PSD4: variants seen among roughly 807,000 people sequenced by gnomAD.
The protein encoded by PSD4 is pleckstrin and Sec7 domain containing 4.
A neutral mutation model predicts 112.5 loss-of-function variants in PSD4; 59 were observed. That is an observed-to-expected ratio of 0.52 (90% CI 0.43 to 0.65). The LOEUF (loss-of-function observed/expected upper bound fraction) is 0.65. PSD4 is among the 30% of genes least tolerant of loss of function. The probability of loss-of-function intolerance (pLI) is 0.00; values close to 1 mark genes in which losing one functional copy is unlikely to be tolerated. For missense variants in PSD4, 1,267 were observed against 1,352.6 expected, an observed-to-expected ratio of 0.94 and a Z score of 0.99; for synonymous variants, 533 against 540.0, an observed-to-expected ratio of 0.99 and a Z score of 0.18.
rs149480112 is a variant in PSD4 at position 113,190,531 on chromosome 2, C to G, written c.1629-1849C>G. On this transcript the variant is annotated intron_variant, in intron 5 of 16. Transcript: ENST00000245796. ...ATCACTGAAGCCTCAGCCTCCCAGG[C>G]TCAAGTGATCTTCCCACTTCAGCCT... Among the ~76,000 whole-genome samples the G allele has an allele frequency of 6.7e-4, 102 of 152,294 alleles. No individual in the cohort carries two copies. The East Asian group carries it at 0.019, about 28-fold the overall frequency.
chr2:113,182,659 C>A lies in PSD4; in HGVS notation c.203C>A (p.Ser68Tyr), dbSNP rs947631957. The change falls in exon 2 of 17, where the codon TCC becomes TAC. Residue 68 changes from serine (S) to tyrosine (Y), a missense_variant. Around this residue, in one of 2 missense-constraint regions of PSD4, gnomAD observed 723 missense variants for 704.0 expected, o/e 1.03. Coordinates refer to ENST00000245796, the MANE Select transcript of PSD4 (RefSeq NM_012455.3). ...PTRQNVPPWG[S>Y]GVELTHLGSW... ...AGACAAAATGTTCCTCCCTGGGGCT[C>A]CGGTGTGGAGCTCACACACCTGGGG... The A allele has an allele frequency of 1.2e-5, 20 of 1,613,676 alleles. No individual in the cohort carries two copies. In the African/African-American group the frequency reaches 2.3e-4, roughly 18 times the overall value.
chr2:113,195,693 G>A, intron 10 of PSD4, 34 bp from the exon 11 acceptor site: 2 of 1,613,992 alleles, frequency 1.2e-6, no homozygotes, highest in South Asian at 1.1e-5. Context: ...ACAGCCCTGA[G>A]GCTCCCCTGC....
intron 9 of PSD4, 94 bp downstream of exon 9, chr2:113,193,744 CCCCTGAGGGATGTGG>C: frequency 7.7e-6 from 12 of 1,552,892 alleles, no homozygotes; most frequent in Non-Finnish European, 9.8e-6. Flanking sequence ...GCAGGGAACA[CCCCTGAGGGATGTGG>C]GCCTGGGGAG....
At position 113,206,060 on chromosome 2, in the gene PSD4, C is replaced by T. The variant is rs1368008678; in HGVS notation, c.*4645C>T. The stretch of plus-strand genomic sequence containing the variant: ...GTTCCCCTCAGCCGGCACACTGGCT[C>T]CTCTTCTCCTGCCTGCCACAGACCT... On this transcript the variant is annotated 3_prime_UTR_variant, in exon 17 of 17. Coordinates refer to ENST00000245796, the MANE Select transcript of PSD4 (RefSeq NM_012455.3). The T allele has an allele frequency of 2.6e-5, 4 of 152,688 alleles. No individual in the cohort carries two copies. The highest frequency in any genetic ancestry group is 2.1e-4 in the South Asian group (1 of 4,832). The allele number at this position is 152,688 out of a possible 1,614,324, so 9.5% of individuals were successfully genotyped here. A position where few individuals can be genotyped will look rare whatever the true frequency, so the allele number is the denominator to read the frequency against.
In PSD4 at chr2:113,198,780, T is replaced by C. The variant is rs1158246342; in HGVS notation, c.2665T>C (p.Leu889=). ...GAGCTCCTGGATCGCGCGCATCAACTTGGCTGCGGCCACGCACTCCGCGCC... is the reference window on the plus strand; with the variant it reads ...GAGCTCCTGGATCGCGCGCATCAACCTGGCTGCGGCCACGCACTCCGCGCC... ...EMSSWIARIN[L]AAATHSAPPF... The change falls in exon 15 of 17, where the codon TTG becomes CTG. Residue 889 remains leucine, a synonymous_variant. Coordinates refer to ENST00000245796, the MANE Select transcript of PSD4 (RefSeq NM_012455.3). 1.3e-6 allele frequency: 2 copies of C among 1,585,020 alleles called. No individual in the cohort carries two copies. Among genetic ancestry groups the C allele is most frequent in the East Asian group, 2.3e-5 (1 of 44,054 alleles).
rs1221400752 is a variant in PSD4 at position 113,182,921 on chromosome 2, G to T, written c.465G>T (p.Val155=). The T allele has an allele frequency of 6.2e-7, 1 of 1,614,238 alleles. No homozygotes were observed. The highest frequency in any genetic ancestry group is 8.5e-7 in the Non-Finnish European group (1 of 1,180,032). The change falls in exon 2 of 17, where the codon GTG becomes GTT. Residue 155 remains valine (V), a synonymous_variant. Coordinates refer to ENST00000245796, the MANE Select transcript of PSD4 (RefSeq NM_012455.3). ...KQNRSTSTQV[V]FWAGILQAQM... is the part of the protein sequence containing the mutation. ...ACCGGAGCACGTCCACACAGGTAGT[G>T]TTCTGGGCAGGCATCCTGCAGGCCC...
At chr2:113,191,980 A>G (rs1465530216) in intron 5 of PSD4, among the ~76,000 whole-genome samples, 3 of 152,084 alleles carry the variant, frequency 2.0e-5, no homozygotes, top group Non-Finnish European at 2.9e-5. Flanking sequence ...GGCTAGAGCC[A>G]GAGCTGGGAG....
chr2:113,181,042 A>AC (rs1688119008), intron 1 of PSD4, among the ~76,000 whole-genome samples: 1 of 145,470 alleles, frequency 6.9e-6, no homozygotes. Context: ...ACATGGTGAA[A>AC]CCCCATCTCT....
rs1292495951 is a variant in PSD4 at position 113,203,190 on chromosome 2, G to A, written c.*1775G>A. 6.6e-6 allele frequency: 1 copy of A among 152,208 alleles called. No homozygotes were observed. The highest frequency in any genetic ancestry group is 1.5e-5 in the Non-Finnish European group (1 of 68,038). 9.4% of individuals were successfully genotyped at this position (152,208 alleles called of 1,614,324 possible). On this transcript the variant is annotated 3_prime_UTR_variant, in exon 17 of 17. Transcript: ENST00000245796. ...GACGCTTTCTATGTGCCAGTACCAG[G>A]GGATTCACAAATGAATTAAACATGT...
intron 5 of PSD4, 116 bp from the exon 6 acceptor site, chr2:113,192,264 G>A (rs1030393179): frequency 1.0e-6 from 1 of 976,124 alleles, no homozygotes; most frequent in Non-Finnish European, 1.6e-6. Flanking sequence ...CCCTGAGTAA[G>A]GGCCTGGGTC....
At position 113,185,062 on chromosome 2, in the gene PSD4, G is replaced by A. The variant is rs1408255104; in HGVS notation, c.1162G>A (p.Val388Met). 1.2e-6 allele frequency: 2 copies of A among 1,614,196 alleles called. No homozygotes were observed. The highest frequency in any genetic ancestry group is 3.3e-5 in the Admixed American group (2 of 60,028). ...GSDLGPAAHP[V>M]QPWASLSPEG... ...TGATCTTGGCCCTGCTGCACATCCTGTGCAACCTTGGGCAAGTCACTTCCC... is the reference window on the plus strand; with the variant it reads ...TGATCTTGGCCCTGCTGCACATCCTATGCAACCTTGGGCAAGTCACTTCCC... Residue 388 changes from valine to methionine, a missense_variant, in exon 3 of 17, where the codon GTG (valine) becomes ATG (methionine). Around this residue, in one of 2 missense-constraint regions of PSD4, gnomAD observed 723 missense variants for 704.0 expected, o/e 1.03. Coordinates refer to ENST00000245796, the MANE Select transcript of PSD4 (RefSeq NM_012455.3).
intron 5 of PSD4, among the ~76,000 whole-genome samples, chr2:113,187,665 C>T (rs1196128797): frequency 6.6e-6 from 1 of 152,160 alleles, no homozygotes; most frequent in African/African-American, 2.4e-5. Context: ...CCCACAACGT[C>T]ACAATCAGGT....
rs796641483 is a variant in PSD4, at chr2:113,203,179, G to GA, written c.*1764_*1765insA. 2.4e-4 allele frequency: 36 copies of GA among 152,344 alleles called. No homozygotes were observed. The highest frequency in any genetic ancestry group is 8.4e-4 in the African/African-American group (35 of 41,572). The allele number at this position is 152,344 out of a possible 1,614,324, so 9.4% of individuals were successfully genotyped here. A position where few individuals can be genotyped will look rare whatever the true frequency, so the allele number is the denominator to read the frequency against. ...AGATAATATGGGACGCTTTCTATGTGCCAGTACCAGGGGATTCACAAATGA... is the reference window on the plus strand; with the variant it reads ...AGATAATATGGGACGCTTTCTATGTGACCAGTACCAGGGGATTCACAAATGA... On this transcript the variant is annotated 3_prime_UTR_variant, in exon 17 of 17. Coordinates refer to ENST00000245796, the MANE Select transcript of PSD4 (RefSeq NM_012455.3).
chr2:113,177,235 G>A (rs575905752), intron 1 of PSD4, among the ~76,000 whole-genome samples: 1 of 152,306 alleles, frequency 6.6e-6, no homozygotes, highest in South Asian at 2.1e-4. Context: ...TGGCCCCCGT[G>A]GGGAAGCCTT....
Position 113,206,130 on chromosome 2 carries a change from C to T in PSD4, c.*4715C>T, listed in dbSNP as rs1238042429. The T allele has an allele frequency of 2.0e-5, 3 of 152,286 alleles. No homozygotes were observed. The highest frequency in any genetic ancestry group is 3.8e-4 in the East Asian group (2 of 5,200). 9.4% of individuals were successfully genotyped at this position (152,286 alleles called of 1,614,324 possible). Reference sequence around the variant, plus strand: ...TGGGGCTCTTTGAGCCTATTCTCTACCCCCTTCATTATCATGCCTTGCAAA... The same window carrying T: ...TGGGGCTCTTTGAGCCTATTCTCTATCCCCTTCATTATCATGCCTTGCAAA... On this transcript the variant is annotated 3_prime_UTR_variant, in exon 17 of 17. Coordinates refer to ENST00000245796, the MANE Select transcript of PSD4 (RefSeq NM_012455.3).
Position 113,193,961 on chromosome 2 carries a change from G to T in PSD4, c.2181+13G>T, listed in dbSNP as rs200934949. 3 of 1,612,804 alleles carry T rather than the reference G, an allele frequency of 1.9e-6. No individual in the cohort carries two copies. The highest frequency in any genetic ancestry group is 1.1e-5 in the South Asian group (1 of 91,050). On this transcript the variant is annotated intron_variant, in intron 10 of 16. Transcript: ENST00000245796. The stretch of plus-strand genomic sequence containing the variant: ...GGAGCTGCTGAAGGTATGTGCCACG[G>T]GGTCTTCTTATGAGCCTCATGTAGG...
rs1464288148 is a variant in PSD4, at chr2:113,206,589, C to A, written c.*5174C>A. The A allele has an allele frequency of 1.3e-5, 2 of 152,244 alleles. No individual in the cohort carries two copies. The highest frequency in any genetic ancestry group is 4.8e-5 in the African/African-American group (2 of 41,466). The allele number at this position is 152,244 out of a possible 1,614,324, so 9.4% of individuals were successfully genotyped here. On this transcript the variant is annotated 3_prime_UTR_variant, in exon 17 of 17. Coordinates refer to ENST00000245796, the MANE Select transcript of PSD4 (RefSeq NM_012455.3). ...CCGTGGCCAGTTAGCCTCTTATGTTCTGTTTGCTTCTCTATAAAATGGGGA... is the reference window on the plus strand; with the variant it reads ...CCGTGGCCAGTTAGCCTCTTATGTTATGTTTGCTTCTCTATAAAATGGGGA...
At chr2:113,195,931 G>A (rs6755077) in intron 11 of PSD4, among the ~76,000 whole-genome samples, 161 bp downstream of exon 11, 42,475 of 151,952 alleles carry the variant, frequency 0.28, 6,749 homozygotes, top group African/African-American at 0.45. Flanking sequence ...GCATAGAGGA[G>A]CCCAAGTAAT....
At chr2:113,186,727 T>C (rs958486348) in intron 5 of PSD4, among the ~76,000 whole-genome samples, 3 of 152,184 alleles carry the variant, frequency 2.0e-5, no homozygotes, top group Non-Finnish European at 2.9e-5. Flanking sequence ...CTGGCTCGGA[T>C]CTCATCAAGT....
Sources: gnomAD v4.1 joint callset for allele counts (sites outside exome capture counted in the v4.1 genomes callset) on GRCh38, gnomAD v4.1.1 for gene constraint, gnomAD v4.1.1 regional missense constraint, MANE v1.5 for transcripts, NCBI Gene and HGNC (gene_info 2026-07-23, HGNC 2026-07-21) for gene names.